NRIP1: variants seen among roughly 807,000 people sequenced by gnomAD.
NRIP1 encodes nuclear receptor interacting protein 1, also known as nuclear receptor-interacting protein 1.
Under a neutral mutation model 75.0 loss-of-function variants are expected in NRIP1, and 28 were observed. The ratio of observed to expected loss-of-function variants is 0.37; its 90% CI spans 0.28 to 0.51. The LOEUF is 0.51. NRIP1 is among the 20% of genes least tolerant of loss of function. The pLI, the probability that NRIP1 is intolerant of heterozygous loss-of-function variation, is 0.92. For missense variants in NRIP1, 1,435 were observed against 1,343.7 expected (o/e 1.07, Z -1.06); for synonymous variants, 526 against 487.6 (o/e 1.08, Z -1.04).
intron 1 of NRIP1, among the ~76,000 whole-genome samples, chr21:15,060,805 C>G (rs2147425869): frequency 6.6e-6 from 1 of 152,280 alleles, no homozygotes; most frequent in South Asian, 2.1e-4. Context: ...CAATTCATGT[C>G]TCTGCTTCAG....
chr21:14,967,417 G>C lies in NRIP1; in HGVS notation c.776C>G (p.Pro259Arg), dbSNP rs2086785425. Reference protein sequence around the residue: ...KRASPATSPKPSVACSQLALL... With the variant: ...KRASPATSPKRSVACSQLALL... ...TGCTAACTGGCTACAAGCAACACTAGGTTTAGGTGAGGTGGCAGGACTAGC... is the reference window on the plus strand; with the variant it reads ...TGCTAACTGGCTACAAGCAACACTACGTTTAGGTGAGGTGGCAGGACTAGC... Residue 259 changes from proline (P) to arginine (R), a missense_variant, in exon 4 of 4, where the codon CCT (proline) becomes CGT (arginine). By Grantham distance (103) the Pro-to-Arg change is moderately radical. Coordinates refer to ENST00000318948, the MANE Select transcript of NRIP1 (RefSeq NM_003489.4). 6.2e-7 allele frequency: 1 copy of C among 1,613,968 alleles called. No homozygotes were observed. The highest frequency in any genetic ancestry group is 8.5e-7 in the Non-Finnish European group (1 of 1,180,002).
chr21:15,002,597 T>C (rs1220482084), intron 3 of NRIP1, among the ~76,000 whole-genome samples: 1 of 152,088 alleles, frequency 6.6e-6, no homozygotes, highest in Non-Finnish European at 1.5e-5. Context: ...GGGCATAAAA[T>C]TACCTCCTGT....
At chr21:15,063,885 G>A (rs373066401) in intron 1 of NRIP1, among the ~76,000 whole-genome samples, 1 of 152,336 alleles carries the variant, frequency 6.6e-6, no homozygotes, top group East Asian at 1.9e-4. Context: ...CTCCTGGAAT[G>A]CTTCAGAGAT....
intron 2 of NRIP1, among the ~76,000 whole-genome samples, chr21:15,039,782 A>G (rs2823014): frequency 0.14 from 20,847 of 152,094 alleles, 2,583 homozygotes; most frequent in African/African-American, 0.32. Context: ...AAGCTGGAAT[A>G]AGATGGAAGA....
intron 2 of NRIP1, among the ~76,000 whole-genome samples, chr21:15,041,193 T>C (rs982782216): frequency 6.6e-6 from 1 of 152,060 alleles, no homozygotes; most frequent in South Asian, 2.1e-4. Context: ...ATACACAACA[T>C]GGATGACTCT....
intron 1 of NRIP1, chr21:15,050,864 A>AAT: frequency 2.2e-6 from 1 of 456,048 alleles, no homozygotes; most frequent in Non-Finnish European, 4.4e-6. Flanking sequence ...CCCAGGAGGC[A>AAT]ATATTCCCCT....
intron 3 of NRIP1, among the ~76,000 whole-genome samples, chr21:15,009,886 AT>A (rs1358505779): frequency 6.6e-6 from 1 of 152,186 alleles, no homozygotes; most frequent in Non-Finnish European, 1.5e-5. Context: ...ACTAAAAAAA[AT>A]AAAATAGAAA....
intron 3 of NRIP1, among the ~76,000 whole-genome samples, chr21:15,009,875 T>G (rs1163230579): frequency 1.3e-5 from 2 of 152,104 alleles, no homozygotes; most frequent in Admixed American, 6.5e-5. Context: ...AAAAGTGAGT[T>G]ACTAAAAAAA....
intron 3 of NRIP1, among the ~76,000 whole-genome samples, chr21:14,993,731 G>A (rs1245717647): frequency 6.6e-6 from 1 of 151,876 alleles, no homozygotes; most frequent in African/African-American, 2.4e-5. Context: ...GCTGCAGTGA[G>A]GTGAGATCAT....
intron 3 of NRIP1, among the ~76,000 whole-genome samples, chr21:14,985,116 A>G (rs993378400): frequency 7.2e-5 from 11 of 152,154 alleles, no homozygotes; most frequent in African/African-American, 2.7e-4. Context: ...TCCCCATGAG[A>G]GTATAAACTC....
intron 2 of NRIP1, among the ~76,000 whole-genome samples, chr21:15,022,544 T>C (rs1331984806): frequency 6.6e-6 from 1 of 152,152 alleles, no homozygotes; most frequent in African/African-American, 2.4e-5. Context: ...GAACTTAAAA[T>C]AAAAGTTGAA....
intron 2 of NRIP1, among the ~76,000 whole-genome samples, chr21:15,015,697 T>C (rs1308788339): frequency 6.6e-6 from 1 of 152,122 alleles, no homozygotes; most frequent in Non-Finnish European, 1.5e-5. Flanking sequence ...AATTATATAC[T>C]ATATAAGTGA....
chr21:15,016,299 T>C (rs1340202632), intron 2 of NRIP1, among the ~76,000 whole-genome samples: 1 of 152,204 alleles, frequency 6.6e-6, no homozygotes, highest in African/African-American at 2.4e-5. Context: ...TGATTATATA[T>C]ACCTAGAAGG....
chr21:15,041,845 T>C (rs1287827191), intron 2 of NRIP1, among the ~76,000 whole-genome samples: 6 of 152,208 alleles, frequency 3.9e-5, no homozygotes, highest in Non-Finnish European at 5.9e-5. Context: ...TTTCTGATCA[T>C]ATAATTTATT....
intron 1 of NRIP1, among the ~76,000 whole-genome samples, chr21:15,046,887 T>C (rs1054121411): frequency 1.3e-5 from 2 of 152,198 alleles, no homozygotes; most frequent in Non-Finnish European, 2.9e-5. Context: ...CTTCCAACTT[T>C]TCTTCTGCAG....
intron 3 of NRIP1, among the ~76,000 whole-genome samples, chr21:15,008,321 C>T (rs1349555321): frequency 1.3e-5 from 2 of 152,088 alleles, no homozygotes; most frequent in Non-Finnish European, 2.9e-5. Flanking sequence ...CCTACTCAAT[C>T]CTGCAAAATA....
chr21:14,995,223 C>G (rs2087689703), intron 3 of NRIP1, among the ~76,000 whole-genome samples: 1 of 140,434 alleles, frequency 7.1e-6, no homozygotes, highest in African/African-American at 3.0e-5. Flanking sequence ...GAGTTTTAGC[C>G]TAGAGACTGT....
In NRIP1 at chr21:14,967,182, C is replaced by A; in HGVS notation, c.1011G>T (p.Met337Ile). ...ACACTGTAGCACTACTTTTGCTAGC[C>A]ATCAGTTTGCTTGATGATGTTCTTG... The part of the protein sequence containing the change: ...GQARTSSSKL[M>I]ASKSSATVFQ... The change falls in exon 4 of 4, where the codon ATG becomes ATT. Residue 337 changes from methionine to isoleucine, a missense_variant. Met to Ile is a conservative substitution (Grantham distance 10). Transcript: ENST00000318948. 1 of 1,614,048 alleles carries A rather than the reference C, an allele frequency of 6.2e-7. No homozygotes were observed. The highest frequency in any genetic ancestry group is 8.5e-7 in the Non-Finnish European group (1 of 1,179,990).
chr21:15,026,017 C>CCATT (rs2088510559), intron 2 of NRIP1, among the ~76,000 whole-genome samples: 1 of 152,088 alleles, frequency 6.6e-6, no homozygotes, highest in South Asian at 2.1e-4. Flanking sequence ...TAGTGATGAT[C>CCATT]AATGATTTTG....
Sources: allele counts gnomAD v4.1 joint callset (sites outside exome capture counted in the v4.1 genomes callset), GRCh38; gene constraint gnomAD v4.1.1; transcripts MANE v1.5; gene names NCBI Gene and HGNC (gene_info 2026-07-23, HGNC 2026-07-21).